The following KCNIP4 variants were observed in gnomAD, a reference collection of about 807,000 sequenced individuals.
KCNIP4 encodes potassium voltage-gated channel interacting protein 4, also known as Kv channel-interacting protein 4.
Under a neutral mutation model 34.0 loss-of-function variants are expected in KCNIP4, and 12 were observed. The observed-to-expected ratio is 0.35, with a 90% CI of 0.23 to 0.57. The LOEUF (loss-of-function observed/expected upper bound fraction) is 0.57, where lower values mean the gene tolerates loss of function less well. KCNIP4 is among the 20% of genes least tolerant of loss of function. The probability of loss-of-function intolerance (pLI) is 0.83; values close to 1 mark genes in which losing one functional copy is unlikely to be tolerated. For missense variants in KCNIP4, 238 were observed against 311.7 expected (o/e 0.76, Z 1.78); for synonymous variants, 124 against 102.2 (o/e 1.21, Z -1.29).
intron 1 of KCNIP4, among the ~76,000 whole-genome samples, chr4:21,651,586 C>G (rs1242875603): frequency 6.6e-6 from 1 of 152,084 alleles, no homozygotes; most frequent in Non-Finnish European, 1.5e-5. Flanking sequence ...TGGGTAAAGC[C>G]AATTATGAAA....
intron 1 of KCNIP4, among the ~76,000 whole-genome samples, chr4:21,430,250 A>G (rs1726317046): frequency 6.6e-6 from 1 of 152,110 alleles, no homozygotes; most frequent in Non-Finnish European, 1.5e-5. Context: ...CACGTTTTAT[A>G]CTTACTAGCA....
intron 1 of KCNIP4, among the ~76,000 whole-genome samples, chr4:21,286,665 T>A (rs914235120): frequency 3.9e-5 from 6 of 152,212 alleles, no homozygotes; most frequent in African/African-American, 1.4e-4. Flanking sequence ...GTAACATTTA[T>A]GACATATGCT....
At chr4:21,499,993 A>G (rs1304664045) in intron 1 of KCNIP4, among the ~76,000 whole-genome samples, 2 of 152,198 alleles carry the variant, frequency 1.3e-5, no homozygotes, top group Non-Finnish European at 2.9e-5. Context: ...AGGAACACAG[A>G]CTAAAAATCT....
At chr4:21,666,489 T>C (rs1364715505) in intron 1 of KCNIP4, among the ~76,000 whole-genome samples, 1 of 152,216 alleles carries the variant, frequency 6.6e-6, no homozygotes, top group African/African-American at 2.4e-5. Context: ...TATGCCAGTG[T>C]GTCAGCACAC....
intron 1 of KCNIP4, among the ~76,000 whole-genome samples, chr4:21,874,975 A>G (rs1308017853): frequency 2.0e-5 from 3 of 152,186 alleles, no homozygotes; most frequent in African/African-American, 7.2e-5. Context: ...GGCATATTTG[A>G]GAAGAGTTCT....
intron 2 of KCNIP4, among the ~76,000 whole-genome samples, chr4:20,878,538 G>A: frequency 6.6e-6 from 1 of 152,058 alleles, no homozygotes; most frequent in East Asian, 1.9e-4. Context: ...GATTACCTTT[G>A]TTTTCTTGTT....
At chr4:21,462,916 G>A (rs560213094) in intron 1 of KCNIP4, among the ~76,000 whole-genome samples, 3 of 151,004 alleles carry the variant, frequency 2.0e-5, no homozygotes, top group Non-Finnish European at 4.4e-5. Flanking sequence ...ATCCATAAAT[G>A]TTAATGAACA....
chr4:21,027,818 TCA>T (rs1400407354), intron 1 of KCNIP4, among the ~76,000 whole-genome samples: 1 of 152,106 alleles, frequency 6.6e-6, no homozygotes, highest in African/African-American at 2.4e-5. Flanking sequence ...TTATGTATAT[TCA>T]CTCTTCTTTG....
At chr4:21,183,981 T>A (rs184862316) in intron 1 of KCNIP4, among the ~76,000 whole-genome samples, 310 of 152,216 alleles carry the variant, frequency 2.0e-3, no homozygotes, top group African/African-American at 6.6e-3. Context: ...ATATCGTATC[T>A]CACTACCAAA....
At chr4:21,125,412 T>C (rs1372429635) in intron 1 of KCNIP4, among the ~76,000 whole-genome samples, 2 of 151,892 alleles carry the variant, frequency 1.3e-5, no homozygotes, top group African/African-American at 4.8e-5. Context: ...AGACGGGGTT[T>C]CACCATGTTG....
At chr4:21,517,260 C>T (rs918044161) in intron 1 of KCNIP4, among the ~76,000 whole-genome samples, 2 of 152,050 alleles carry the variant, frequency 1.3e-5, no homozygotes, top group Non-Finnish European at 2.9e-5. Flanking sequence ...GGATCCAGGA[C>T]CCCCTTCCTG....
intron 1 of KCNIP4, among the ~76,000 whole-genome samples, chr4:21,025,541 CTGTTTTTTTTTTTTT>C (rs1230978800): frequency 3.1e-5 from 1 of 32,054 alleles, no homozygotes; most frequent in African/African-American, 1.3e-4. Flanking sequence ...CTCATTGATA[CTGTTTTTTTTTTTTT>C]TTTTTTTTTT....
At chr4:21,287,283 G>T (rs903905495) in intron 1 of KCNIP4, among the ~76,000 whole-genome samples, 9 of 152,108 alleles carry the variant, frequency 5.9e-5, no homozygotes, top group Admixed American at 1.3e-4. Context: ...TCATTTACAT[G>T]AATAAAGAAT....
chr4:20,983,969 G>A (rs1015452378), intron 1 of KCNIP4: 3 of 1,531,250 alleles, frequency 2.0e-6, no homozygotes, highest in Admixed American at 2.0e-5. Context: ...CCCCTTTGGA[G>A]TGGAGGGAGT....
chr4:21,298,525 A>G (rs1560267207), intron 1 of KCNIP4, among the ~76,000 whole-genome samples: 1 of 151,998 alleles, frequency 6.6e-6, no homozygotes, highest in Non-Finnish European at 1.5e-5. Context: ...TCCTTTCTCC[A>G]ATCACCAGCC....
chr4:21,655,548 T>C (rs1747853829), intron 1 of KCNIP4, among the ~76,000 whole-genome samples: 1 of 152,180 alleles, frequency 6.6e-6, no homozygotes, highest in Non-Finnish European at 1.5e-5. Flanking sequence ...ACTAAATGTA[T>C]TATAACTATA....
chr4:21,674,461 C>T (rs1749737831), intron 1 of KCNIP4, among the ~76,000 whole-genome samples: 1 of 152,192 alleles, frequency 6.6e-6, no homozygotes, highest in Non-Finnish European at 1.5e-5. Flanking sequence ...ATAATGGCTA[C>T]AAGTGGGTTA....
chr4:21,598,707 T>C (rs1284726442), intron 1 of KCNIP4, among the ~76,000 whole-genome samples: 1 of 152,006 alleles, frequency 6.6e-6, no homozygotes, highest in African/African-American at 2.4e-5. Context: ...ATTTTTAAGC[T>C]AAAAATGTTT....
chr4:21,324,845 T>A (rs1578079700), intron 1 of KCNIP4, among the ~76,000 whole-genome samples: 1 of 152,142 alleles, frequency 6.6e-6, no homozygotes, highest in East Asian at 1.9e-4. Flanking sequence ...TGGATTGCTT[T>A]AGGTAGTATG....
Sources: gnomAD v4.1 joint callset for allele counts (sites outside exome capture counted in the v4.1 genomes callset) on GRCh38, gnomAD v4.1.1 for gene constraint, MANE v1.5 for transcripts, NCBI Gene and HGNC (gene_info 2026-07-23, HGNC 2026-07-21) for gene names.